ZZEF1: variants seen among roughly 807,000 people sequenced by gnomAD.
ZZEF1 encodes the protein zinc finger ZZ-type and EF-hand domain-containing protein 1.
In ZZEF1, 157 loss-of-function variants were observed where a neutral mutation model predicts 342.8. That is an observed-to-expected ratio of 0.46 (90% CI 0.40 to 0.52). The LOEUF (loss-of-function observed/expected upper bound fraction) is 0.52. ZZEF1 is among the 20% of genes least tolerant of loss of function. The pLI is 0.00. For missense variants in ZZEF1, 3,480 were observed against 3,725.6 expected, an observed-to-expected ratio of 0.93 and a Z score of 1.72; for synonymous variants, 1,505 against 1,429.1, an observed-to-expected ratio of 1.05 and a Z score of -1.20.
chr17:4,015,812 C>T (rs7211888), intron 49 of ZZEF1, among the ~76,000 whole-genome samples: 28,772 of 152,204 alleles, frequency 0.19, 2,842 homozygotes, highest in Admixed American at 0.22. Flanking sequence ...ATGAGAATAA[C>T]GGAGGCTGCC....
chr17:4,135,749 C>T (rs968010077), intron 1 of ZZEF1, among the ~76,000 whole-genome samples: 2 of 152,118 alleles, frequency 1.3e-5, no homozygotes, highest in East Asian at 3.9e-4. Context: ...CCTGCCAAAC[C>T]CTTCTCCATT....
intron 8 of ZZEF1, among the ~76,000 whole-genome samples, chr17:4,103,509 T>G (rs1026231615): frequency 6.6e-6 from 1 of 152,072 alleles, no homozygotes; most frequent in Non-Finnish European, 1.5e-5. Context: ...ATTATGCCAG[T>G]GCACTCCAAC....
chr17:4,008,816 G>A lies in ZZEF1; in HGVS notation c.8805+67C>T. 1 of 1,535,558 alleles carries A rather than the reference G, an allele frequency of 6.5e-7. No individual in the cohort carries two copies. The highest frequency in any genetic ancestry group is 8.7e-7 in the Non-Finnish European group (1 of 1,143,664). On this transcript the variant is annotated intron_variant, in intron 54 of 54. Transcript: ENST00000381638. This position sits in a 1 kb window ranked among gnomAD's most constrained non-coding sequence, Gnocchi z 4.2. Reference sequence around the variant, plus strand: ...CAGACGCAATGTACAGACCTTCTCTGCCCTGGCAATGGTGAGATGGTGGCG... The same window carrying A: ...CAGACGCAATGTACAGACCTTCTCTACCCTGGCAATGGTGAGATGGTGGCG...
At chr17:4,137,002 A>G (rs1312179529) in intron 1 of ZZEF1, among the ~76,000 whole-genome samples, 1 of 151,548 alleles carries the variant, frequency 6.6e-6, no homozygotes, top group East Asian at 2.0e-4. Flanking sequence ...GAAGGAGAGC[A>G]AAGGACAAAA....
chr17:4,090,921 G>A, intron 11 of ZZEF1, 91 bp from the exon 12 acceptor site: 1 of 943,864 alleles, frequency 1.1e-6, no homozygotes, highest in Non-Finnish European at 1.7e-6. Flanking sequence ...CATGTAACTT[G>A]TATCTGTAGC....
chr17:4,119,278 CA>C lies in ZZEF1; in HGVS notation c.500-2113del, dbSNP rs559551374. ...ATATTCATCCGTCTTCTGCACCGGCCAAATATGAGAGTTGAATGGGAACATG... is the reference window on the plus strand; with the variant it reads ...ATATTCATCCGTCTTCTGCACCGGCCAATATGAGAGTTGAATGGGAACATG... On this transcript the variant is annotated intron_variant, in intron 2 of 54. Transcript: ENST00000381638. Among the ~76,000 whole-genome samples, 88 of 152,304 alleles carry C rather than the reference CA, an allele frequency of 5.8e-4. 3 individuals are homozygous for C. The Middle Eastern group carries it at 0.017, about 29-fold the overall frequency.
rs773779305 is a variant in ZZEF1 at position 4,008,633 on chromosome 17, T to A, written c.8805+250A>T. 4.2e-6 allele frequency: 5 copies of A among 1,204,534 alleles called. No homozygotes were observed. The African/African-American group carries it at 7.9e-5, about 19-fold the overall frequency. The allele number at this position is 1,204,534 out of a possible 1,614,324, so 74.6% of individuals were successfully genotyped here. A position where few individuals can be genotyped will look rare whatever the true frequency, so the allele number is the denominator to read the frequency against. On this transcript the variant is annotated intron_variant, in intron 54 of 54. Transcript: ENST00000381638. The surrounding 1 kb of genome is among the most constrained non-coding windows in gnomAD (Gnocchi z 4.2). ...AATCAGCCAAACTAAATTTAAGGCA[T>A]CGGTTGTTTTGGTTTTAAAGACACA...
intron 1 of ZZEF1, among the ~76,000 whole-genome samples, chr17:4,139,677 G>C (rs1567877198): frequency 6.6e-6 from 1 of 152,184 alleles, no homozygotes; most frequent in Admixed American, 6.6e-5. Context: ...TACAGACAGA[G>C]CAGCCATCAC....
intron 6 of ZZEF1, 148 bp downstream of exon 6, chr17:4,109,505 G>A (rs1221012618): frequency 3.1e-5 from 23 of 731,710 alleles, no homozygotes; most frequent in Non-Finnish European, 5.1e-5. Flanking sequence ...GAGCTGAGTG[G>A]CACGAACAGG....
chr17:4,101,945 T>C lies in ZZEF1; in HGVS notation c.1672+372A>G, dbSNP rs376025737. ...GCACCCGGCCTGGAAATACCCTTCT[T>C]AAACTATGTTTTCAGTCAGTAGTAA... is the stretch of plus-strand genomic sequence containing the variant. On this transcript the variant is annotated intron_variant, in intron 9 of 54. Coordinates refer to ENST00000381638, the MANE Select transcript of ZZEF1 (RefSeq NM_015113.4). Among the ~76,000 whole-genome samples the C allele has an allele frequency of 1.1e-3, 168 of 152,254 alleles. 7 individuals are homozygous for C. In the South Asian group the frequency reaches 0.033, roughly 30 times the overall value.
intron 15 of ZZEF1, 24 bp from the exon 16 acceptor site, chr17:4,085,827 A>G (rs1567827721): frequency 6.2e-7 from 1 of 1,613,148 alleles, no homozygotes; most frequent in East Asian, 2.2e-5. Context: ...CAATGGCATC[A>G]GCTTTCATAT....
rs780539937 is a variant in ZZEF1 at position 4,016,421 on chromosome 17, T to A, written c.8047A>T (p.Thr2683Ser). 20 of 1,613,868 alleles carry A rather than the reference T, an allele frequency of 1.2e-5. No individual in the cohort carries two copies. The highest frequency in any genetic ancestry group is 1.5e-5 in the Non-Finnish European group (18 of 1,179,974). ...AACTGGCATGCAGCCAGGGCCATGG[T>A]CCCCAGCATGTCCTCTCGGCAGCCC... Reference protein sequence around the residue: ...LQGCREDMLGTMALAACQFME... With the variant: ...LQGCREDMLGSMALAACQFME... Residue 2683 changes from threonine to serine, a missense_variant, in exon 49 of 55, where the codon ACC becomes TCC. By Grantham distance (58) the Thr-to-Ser change is moderately conservative (BLOSUM62 1). Around this residue, in one of 5 missense-constraint regions of ZZEF1, gnomAD observed 1,269 missense variants for 1,342.4 expected, o/e 0.95. Coordinates refer to ENST00000381638, the MANE Select transcript of ZZEF1 (RefSeq NM_015113.4). This position sits in a 1 kb window ranked among gnomAD's most constrained non-coding sequence, Gnocchi z 4.4.
At chr17:4,041,576 G>T (rs568001445) in intron 39 of ZZEF1, among the ~76,000 whole-genome samples, 2 of 152,122 alleles carry the variant, frequency 1.3e-5, no homozygotes, top group Non-Finnish European at 2.9e-5. Context: ...TAGAAAAAGT[G>T]GGAGACTACT....
At chr17:4,141,905 T>C (rs1204082959) in intron 1 of ZZEF1, among the ~76,000 whole-genome samples, 1 of 152,222 alleles carries the variant, frequency 6.6e-6, no homozygotes, top group Admixed American at 6.5e-5. Context: ...AGACATGATC[T>C]TGGTGATTAT....
chr17:4,077,983 C>G lies in ZZEF1; in HGVS notation c.2889G>C (p.Leu963=), dbSNP rs948336523. Residue 963 remains leucine, a synonymous_variant, in exon 19 of 55, where the codon CTG becomes CTC. Transcript: ENST00000381638. ...GCAGGCTGCCTTGGACGGACCAGAA[C>G]AGGGAGAAGAGCACAGAGCCCACCT... is the stretch of plus-strand genomic sequence containing the variant. ...PGEVGSVLFS[L]FWSVQGSLLS... The G allele has an allele frequency of 6.2e-7, 1 of 1,614,184 alleles. No homozygotes were observed. Among genetic ancestry groups the G allele is most frequent in the Non-Finnish European group, 8.5e-7 (1 of 1,180,036 alleles).
At chr17:4,054,684 A>G in intron 33 of ZZEF1, among the ~76,000 whole-genome samples, 1 of 152,222 alleles carries the variant, frequency 6.6e-6, no homozygotes, top group Non-Finnish European at 1.5e-5. Context: ...GTTAAACCAC[A>G]AAGGGCCTTG....
Position 4,142,576 on chromosome 17 carries a change from C to G in ZZEF1, c.320G>C (p.Arg107Pro), listed in dbSNP as rs1431140371. The part of the protein sequence containing the change: ...LEQFRELLEA[R>P]GAGCSSEQFE... ...CTGCTCGCTAGAGCAGCCGGCGCCG[C>G]GAGCCTCCAGCAGCTCCCGGAACTG... is the stretch of plus-strand genomic sequence containing the variant. The change falls in exon 1 of 55, where the codon CGC becomes CCC. Residue 107 changes from arginine to proline, a missense_variant. Physicochemically the swap from Arg to Pro is moderately radical, Grantham distance 103 (BLOSUM62 -2). Around this residue, in one of 5 missense-constraint regions of ZZEF1, gnomAD observed 416 missense variants for 374.2 expected, o/e 1.11. Coordinates refer to ENST00000381638, the MANE Select transcript of ZZEF1 (RefSeq NM_015113.4). 1.2e-6 allele frequency: 2 copies of G among 1,603,678 alleles called. No homozygotes were observed. The highest frequency in any genetic ancestry group is 1.7e-6 in the Non-Finnish European group (2 of 1,179,638).
intron 14 of ZZEF1, 23 bp from the exon 15 acceptor site, chr17:4,086,678 A>C (rs749189014): frequency 1.2e-6 from 2 of 1,612,246 alleles, no homozygotes; most frequent in Non-Finnish European, 1.7e-6. Context: ...AAAAAACATC[A>C]GAGAGCAAAA....
At chr17:4,071,965 T>C (rs1421197639) in intron 25 of ZZEF1, among the ~76,000 whole-genome samples, 4 of 151,688 alleles carry the variant, frequency 2.6e-5, no homozygotes, top group Non-Finnish European at 4.4e-5. Context: ...AGGAGGAATA[T>C]GAAAAGTCAA....
Sources: gnomAD v4.1 joint callset for allele counts (sites outside exome capture counted in the v4.1 genomes callset) on GRCh38, gnomAD v4.1.1 for gene constraint, gnomAD v4.1.1 regional missense constraint, Gnocchi (gnomAD v3.1) non-coding constraint, MANE v1.5 for transcripts, NCBI Gene and HGNC (gene_info 2026-07-23, HGNC 2026-07-21) for gene names.